Variants in ALK observed in about 807,000 individuals in gnomAD.
The protein encoded by ALK is ALK receptor tyrosine kinase, also known as ALK tyrosine kinase receptor.
ALK carries 74 observed loss-of-function variants against 163.1 expected under a neutral mutation model. The observed-to-expected ratio is 0.45, with a 90% confidence interval of 0.38 to 0.55. The LOEUF is 0.55. ALK is among the 20% of genes least tolerant of loss of function. The probability of loss-of-function intolerance (pLI) is 0.00; values close to 1 mark genes in which losing one functional copy is unlikely to be tolerated. For synonymous variants in ALK, 960 were observed against 843.2 expected, an observed-to-expected ratio of 1.14 and a Z score of -2.40; for missense variants, 2,063 against 2,105.3, an observed-to-expected ratio of 0.98 and a Z score of 0.39.
At chr2:29,474,121 T>A (rs4359598) in intron 4 of ALK, among the ~76,000 whole-genome samples, 3 of 152,090 alleles carry the variant, frequency 2.0e-5, no homozygotes, top group Non-Finnish European at 2.9e-5. Context: ...AAGGATAACC[T>A]AATTCACTGG....
At chr2:29,715,424 C>T (rs1679219767) in intron 2 of ALK, among the ~76,000 whole-genome samples, 1 of 152,158 alleles carries the variant, frequency 6.6e-6, no homozygotes, top group Non-Finnish European at 1.5e-5. Context: ...ATTCCTTTGC[C>T]CTAAGGTGGC....
intron 4 of ALK, among the ~76,000 whole-genome samples, chr2:29,408,248 ATT>A (rs538076266): frequency 1.4e-5 from 2 of 141,050 alleles, no homozygotes; most frequent in African/African-American, 2.6e-5. Context: ...ACACCTGGCT[ATT>A]TTTTTTTTTT....
At chr2:29,386,837 A>G (rs976943870) in intron 4 of ALK, among the ~76,000 whole-genome samples, 2 of 152,244 alleles carry the variant, frequency 1.3e-5, no homozygotes, top group African/African-American at 2.4e-5. Flanking sequence ...GCTTATATCT[A>G]GGGTCAGATT....
chr2:29,351,085 A>G (rs1317485), intron 5 of ALK, among the ~76,000 whole-genome samples: 1,949 of 152,292 alleles, frequency 0.013, 38 homozygotes, highest in African/African-American at 0.044. Flanking sequence ...TAAAAACCCA[A>G]CATTCATTGC....
At chr2:29,809,251 G>A (rs1416323981) in intron 1 of ALK, among the ~76,000 whole-genome samples, 1 of 152,200 alleles carries the variant, frequency 6.6e-6, no homozygotes, top group African/African-American at 2.4e-5. Context: ...CCTACTATGT[G>A]CCACATGTTG....
chr2:29,272,393 C>G (rs1405085360), intron 11 of ALK, among the ~76,000 whole-genome samples: 1 of 152,202 alleles, frequency 6.6e-6, no homozygotes, highest in Non-Finnish European at 1.5e-5. Context: ...CATGAAGCAC[C>G]TGGACAGGAT....
At chr2:29,519,029 C>A (rs924245273) in intron 4 of ALK, among the ~76,000 whole-genome samples, 1 of 152,154 alleles carries the variant, frequency 6.6e-6, no homozygotes, top group African/African-American at 2.4e-5. Context: ...GCATTATTTT[C>A]ACAAAGAGCC....
chr2:29,685,663 C>G (rs1355978266), intron 3 of ALK, among the ~76,000 whole-genome samples: 3 of 150,886 alleles, frequency 2.0e-5, no homozygotes, highest in Non-Finnish European at 3.0e-5. Flanking sequence ...AAGAGCATGT[C>G]AATTTTCCTG....
intron 2 of ALK, among the ~76,000 whole-genome samples, chr2:29,703,451 G>A (rs1678807871): frequency 6.6e-6 from 1 of 152,186 alleles, no homozygotes; most frequent in South Asian, 2.1e-4. Context: ...TGTCAGCTCT[G>A]TGATATGGGA....
intron 5 of ALK, among the ~76,000 whole-genome samples, chr2:29,335,911 A>G (rs6745688): frequency 0.94 from 142,580 of 151,980 alleles, 67,023 homozygotes; most frequent in East Asian, 1. Context: ...GTGGTCATGG[A>G]CACCTGTAAT....
At chr2:29,301,999 C>G (rs1666386437) in intron 8 of ALK, among the ~76,000 whole-genome samples, 1 of 152,212 alleles carries the variant, frequency 6.6e-6, no homozygotes, top group East Asian at 1.9e-4. Flanking sequence ...AGATGAGCTC[C>G]TGCCCTCATG....
chr2:29,523,599 C>G (rs1392201871), intron 4 of ALK, among the ~76,000 whole-genome samples: 1 of 152,204 alleles, frequency 6.6e-6, no homozygotes, highest in African/African-American at 2.4e-5. Flanking sequence ...TCAGTAAACA[C>G]TTCTGAGATG....
chr2:29,871,364 G>A (rs1666572741), intron 1 of ALK, among the ~76,000 whole-genome samples: 1 of 152,194 alleles, frequency 6.6e-6, no homozygotes, highest in Admixed American at 6.5e-5. Flanking sequence ...TGGACGGAAT[G>A]TCCTGGAAAG....
At chr2:29,709,461 T>A (rs574082265) in intron 2 of ALK, among the ~76,000 whole-genome samples, 104 of 152,252 alleles carry the variant, frequency 6.8e-4, no homozygotes, top group South Asian at 1.7e-3. Flanking sequence ...TTCTATTGAG[T>A]ACACAATGAG....
At chr2:29,567,552 A>G (rs1199592766) in intron 3 of ALK, among the ~76,000 whole-genome samples, 1 of 152,188 alleles carries the variant, frequency 6.6e-6, no homozygotes, top group South Asian at 2.1e-4. Context: ...TTGCCTTCAG[A>G]CAGGAGGTTC....
chr2:29,786,849 C>T (rs780383949), intron 1 of ALK, among the ~76,000 whole-genome samples: 38 of 151,912 alleles, frequency 2.5e-4, no homozygotes, highest in Admixed American at 4.6e-4. Flanking sequence ...TGGAGTGCAA[C>T]AGCACAATCT....
intron 13 of ALK, among the ~76,000 whole-genome samples, chr2:29,239,479 G>C (rs374134826): frequency 7.9e-5 from 12 of 152,272 alleles, no homozygotes; most frequent in Admixed American, 3.3e-4. Context: ...AGCTCTGCCA[G>C]GTCCTGCCTC....
chr2:29,919,766 T>C (rs1438152557), intron 1 of ALK, among the ~76,000 whole-genome samples: 7 of 152,126 alleles, frequency 4.6e-5, no homozygotes, highest in African/African-American at 1.7e-4. Context: ...TATGAAACTT[T>C]TCCCCCAACT....
intron 1 of ALK, among the ~76,000 whole-genome samples, chr2:29,771,280 G>A (rs1681015826): frequency 6.6e-6 from 1 of 152,116 alleles, no homozygotes; most frequent in Non-Finnish European, 1.5e-5. Context: ...TGAATTTCTA[G>A]ATTAAAGGAG....
Sources: allele counts gnomAD v4.1 joint callset (sites outside exome capture counted in the v4.1 genomes callset), GRCh38; gene constraint gnomAD v4.1.1; transcripts MANE v1.5; gene names NCBI Gene and HGNC (gene_info 2026-07-23, HGNC 2026-07-21).